Variants in PLXNA4 observed in about 807,000 individuals in gnomAD.
PLXNA4 encodes plexin-A4.
A neutral mutation model predicts 191.8 loss-of-function variants in PLXNA4; 44 were observed. The observed-to-expected ratio is 0.23, with a 90% CI of 0.18 to 0.29. The LOEUF is 0.29. PLXNA4 is among the 10% of genes least tolerant of loss of function. The probability of loss-of-function intolerance (pLI) is 1.00; values close to 1 mark genes in which losing one functional copy is unlikely to be tolerated. For missense variants in PLXNA4, 1,800 were observed against 2,488.8 expected (o/e 0.72, Z 5.89); for synonymous variants, 1,082 against 1,009.5 (o/e 1.07, Z -1.36).
intron 2 of PLXNA4, among the ~76,000 whole-genome samples, chr7:132,502,290 C>T (rs546971471): frequency 1.1e-4 from 16 of 152,260 alleles, no homozygotes; most frequent in South Asian, 6.2e-4. Context: ...GTCAAAGGAA[C>T]GGCACGTGGA....
chr7:132,267,390 T>A (rs773695087), intron 4 of PLXNA4, among the ~76,000 whole-genome samples: 1 of 152,188 alleles, frequency 6.6e-6, no homozygotes, highest in Non-Finnish European at 1.5e-5. Flanking sequence ...CTTGGACACA[T>A]GTGAATGGGG....
intron 3 of PLXNA4, among the ~76,000 whole-genome samples, chr7:132,354,343 T>C (rs926240880): frequency 6.6e-6 from 1 of 152,294 alleles, no homozygotes; most frequent in African/African-American, 2.4e-5. Flanking sequence ...CCCACTGGGG[T>C]CTAAAATCTT....
At chr7:132,340,358 G>A (rs1802979689) in intron 3 of PLXNA4, among the ~76,000 whole-genome samples, 1 of 152,190 alleles carries the variant, frequency 6.6e-6, no homozygotes, top group African/African-American at 2.4e-5. Flanking sequence ...AGAGCAGAGG[G>A]CACTGTTGCT....
In PLXNA4 at chr7:132,377,427, A is replaced by C. The variant is rs182700971; in HGVS notation, c.1372-79205T>G. On this transcript the variant is annotated intron_variant, in intron 3 of 31. Transcript: ENST00000321063. ...CTACAAACTCAAATGAAAAAGAAAAAAAAAAAAAAAAGAAAACAAAACAAA... is the reference window on the plus strand; with the variant it reads ...CTACAAACTCAAATGAAAAAGAAAACAAAAAAAAAAAGAAAACAAAACAAA... Among the ~76,000 whole-genome samples, 8 of 151,996 alleles carry C rather than the reference A, an allele frequency of 5.3e-5. No individual in the cohort carries two copies. The East Asian group carries it at 1.2e-3, about 22-fold the overall frequency.
chr7:132,214,256 G>A (rs1797895753), intron 9 of PLXNA4, among the ~76,000 whole-genome samples: 1 of 152,160 alleles, frequency 6.6e-6, no homozygotes, highest in South Asian at 2.1e-4. Flanking sequence ...GACATGGGGA[G>A]CAGCAAAACC....
At chr7:132,208,684 G>A (rs1347007411) in intron 10 of PLXNA4, among the ~76,000 whole-genome samples, 3 of 152,216 alleles carry the variant, frequency 2.0e-5, no homozygotes, top group Admixed American at 2.0e-4. Context: ...AATTCCCAGG[G>A]GAGGAGCTAT....
At chr7:132,385,044 T>C (rs1805064069) in intron 3 of PLXNA4, 1 of 1,463,730 alleles carries the variant, frequency 6.8e-7, no homozygotes, top group Non-Finnish European at 9.0e-7. Flanking sequence ...AAGTCTTTTT[T>C]CCCTAAGGAC....
At chr7:132,181,236 A>G in intron 18 of PLXNA4, 145 bp downstream of exon 18, 1 of 1,413,492 alleles carries the variant, frequency 7.1e-7, no homozygotes, top group Non-Finnish European at 9.6e-7. Flanking sequence ...ACTCAGAGAG[A>G]ACATTTATCA....
At chr7:132,154,419 T>G (rs868165167) in intron 25 of PLXNA4, among the ~76,000 whole-genome samples, 2,844 of 151,930 alleles carry the variant, frequency 0.019, 91 homozygotes, top group African/African-American at 0.064. Context: ...TTCTGTTTTT[T>G]TTTTTTTTTT....
At chr7:132,327,723 A>T (rs983597284) in intron 3 of PLXNA4, among the ~76,000 whole-genome samples, 9 of 152,196 alleles carry the variant, frequency 5.9e-5, no homozygotes, top group African/African-American at 2.2e-4. Flanking sequence ...CCAAATTGAA[A>T]TCCTCTCATA....
At chr7:132,331,253 A>T (rs1332969986) in intron 3 of PLXNA4, among the ~76,000 whole-genome samples, 1 of 152,252 alleles carries the variant, frequency 6.6e-6, no homozygotes, top group Non-Finnish European at 1.5e-5. Flanking sequence ...TGGATATGGG[A>T]GCATCTCCCT....
At chr7:132,552,352 G>C (rs1260942634) in intron 1 of PLXNA4, among the ~76,000 whole-genome samples, 2 of 152,166 alleles carry the variant, frequency 1.3e-5, no homozygotes, top group Non-Finnish European at 2.9e-5. Flanking sequence ...TGGTCAAAAA[G>C]AAGTCACAGG....
chr7:132,368,355 T>G (rs1804279975), intron 3 of PLXNA4, among the ~76,000 whole-genome samples: 1 of 152,064 alleles, frequency 6.6e-6, no homozygotes. Context: ...GGAAGAGAGC[T>G]GGATGGGGAG....
At chr7:132,168,107 G>T (rs899521496) in intron 22 of PLXNA4, among the ~76,000 whole-genome samples, 197 bp downstream of exon 22, 2 of 152,210 alleles carry the variant, frequency 1.3e-5, no homozygotes, top group African/African-American at 4.8e-5. Context: ...ACAAGTCCAT[G>T]CATCCTTGAC....
intron 2 of PLXNA4, among the ~76,000 whole-genome samples, chr7:132,609,637 T>A (rs1803008135): frequency 6.6e-6 from 1 of 152,214 alleles, no homozygotes; most frequent in African/African-American, 2.4e-5. Context: ...ATAGATATTA[T>A]TATCCTCACT....
intron 2 of PLXNA4, among the ~76,000 whole-genome samples, chr7:132,498,643 T>A (rs1798126848): frequency 6.6e-6 from 1 of 151,964 alleles, no homozygotes; most frequent in South Asian, 2.1e-4. Context: ...ATATATGGGG[T>A]TTGGGACTAT....
Position 132,165,208 on chromosome 7 carries a change from C to T in PLXNA4, c.4287-8G>A. On this transcript the variant is annotated splice_region_variant and splice_polypyrimidine_tract_variant and intron_variant, in intron 22 of 31. Transcript: ENST00000321063. Reference sequence around the variant, plus strand: ...TCAGCCACTGACTCAGTCCTGTCAGCAGTCACCGAGGGAACCAACGGAACA... The same window carrying T: ...TCAGCCACTGACTCAGTCCTGTCAGTAGTCACCGAGGGAACCAACGGAACA... 1 of 1,611,394 alleles carries T rather than the reference C, an allele frequency of 6.2e-7. No homozygotes were observed. Among genetic ancestry groups the T allele is most frequent in the African/African-American group, 1.3e-5 (1 of 74,988 alleles).
At chr7:132,354,505 A>G in intron 3 of PLXNA4, among the ~76,000 whole-genome samples, 1 of 152,076 alleles carries the variant, frequency 6.6e-6, no homozygotes, top group South Asian at 2.1e-4. Flanking sequence ...TTTTGATCAT[A>G]ATGCATCATC....
At chr7:132,296,158 G>T (rs923881386) in intron 4 of PLXNA4, among the ~76,000 whole-genome samples, 1 of 152,142 alleles carries the variant, frequency 6.6e-6, no homozygotes, top group Non-Finnish European at 1.5e-5. Flanking sequence ...ACATCTGTGT[G>T]GAGCAGCCCT....
Sources: gnomAD v4.1 joint callset for allele counts (sites outside exome capture counted in the v4.1 genomes callset) on GRCh38, gnomAD v4.1.1 for gene constraint, MANE v1.5 for transcripts, NCBI Gene and HGNC (gene_info 2026-07-23, HGNC 2026-07-21) for gene names.